Variants in DNAH9 observed in about 807,000 individuals in gnomAD.
DNAH9 encodes dynein axonemal heavy chain 9, also known as DNAH9 variant protein.
In DNAH9, 345 loss-of-function variants were observed where a neutral mutation model predicts 471.6. The observed-to-expected ratio is 0.73, with a 90% CI of 0.67 to 0.80. The LOEUF (loss-of-function observed/expected upper bound fraction) is 0.80, where lower values mean the gene tolerates loss of function less well. Among genes scored for constraint, DNAH9 ranks in the 30% least tolerant of loss-of-function variants. The probability of loss-of-function intolerance (pLI) is 0.00; values close to 1 mark genes in which losing one functional copy is unlikely to be tolerated. For missense variants in DNAH9, 5,407 were observed against 5,609.2 expected (o/e 0.96, Z 1.15); for synonymous variants, 2,093 against 2,123.6 (o/e 0.99, Z 0.40).
chr17:11,742,298 G>C lies in DNAH9; in HGVS notation c.6096G>C (p.Glu2032Asp), dbSNP rs1198329663. The change falls in exon 30 of 69, where the codon GAG (glutamate) becomes GAC (aspartate). Residue 2032 changes from glutamate to aspartate, a missense_variant. Around this residue, in one of 3 missense-constraint regions of DNAH9, gnomAD observed 4,636 missense variants for 4,900.3 expected, o/e 0.95. Transcript: ENST00000262442. ...KFITLYQLCK[E>D]LLSKQDHYDW... ...TCACTCTTTACCAGTTGTGCAAAGAGCTTCTCTCCAAACAGGTAGGATCTC... is the reference window on the plus strand; with the variant it reads ...TCACTCTTTACCAGTTGTGCAAAGACCTTCTCTCCAAACAGGTAGGATCTC... 3 of 1,613,998 alleles carry C rather than the reference G, an allele frequency of 1.9e-6. No individual in the cohort carries two copies. The East Asian group carries it at 6.7e-5, about 36-fold the overall frequency.
In DNAH9 at chr17:11,954,834, A is replaced by G. The variant is rs76103169; in HGVS notation, c.12844-7033A>G. ...AGAAAGAAAGAAAATGATATATGGA[A>G]ATTTGGATCTAAACAAAGAAATAAT... On this transcript the variant is annotated intron_variant, in intron 67 of 68. Transcript: ENST00000262442. 7.2e-3 allele frequency among the ~76,000 whole-genome samples: 1,092 copies of G among 152,002 alleles called. 15 individuals are homozygous for G. The highest frequency in any genetic ancestry group is 0.025 in the African/African-American group (1,050 of 41,484).
intron 52 of DNAH9, 80 bp downstream of exon 52, chr17:11,871,866 C>T (rs1972278231): frequency 6.9e-7 from 1 of 1,446,332 alleles, no homozygotes; most frequent in Non-Finnish European, 9.5e-7. Context: ...AATTCGCATC[C>T]TCTGGTGTCC....
chr17:11,611,821 A>G (rs753092415), intron 4 of DNAH9, 41 bp downstream of exon 4: 67 of 1,607,354 alleles, frequency 4.2e-5, no homozygotes, highest in Middle Eastern at 1.6e-4. Flanking sequence ...GTTTGACTCA[A>G]GTTACCGTCG....
At chr17:11,700,487 C>A (rs1171225509) in intron 23 of DNAH9, among the ~76,000 whole-genome samples, 2 of 152,160 alleles carry the variant, frequency 1.3e-5, no homozygotes, top group Non-Finnish European at 2.9e-5. Context: ...ATTAGCACCA[C>A]CGATAAATAT....
chr17:11,679,993 T>C lies in DNAH9; in HGVS notation c.3576+14T>C. On this transcript the variant is annotated intron_variant, in intron 18 of 68. Coordinates refer to ENST00000262442, the MANE Select transcript of DNAH9 (RefSeq NM_001372.4). Reference sequence around the variant, plus strand: ...AAGCAGCTGGAGGTCAGTGCATTTATGTCTTCCTTATAAAAGAAATAGAGG... The same window carrying C: ...AAGCAGCTGGAGGTCAGTGCATTTACGTCTTCCTTATAAAAGAAATAGAGG... 1.3e-6 allele frequency: 2 copies of C among 1,594,908 alleles called. No homozygotes were observed. The highest frequency in any genetic ancestry group is 1.7e-6 in the Non-Finnish European group (2 of 1,163,858).
Position 11,793,660 on chromosome 17 carries a change from T to G in DNAH9, c.8219T>G (p.Phe2740Cys). Residue 2740 changes from phenylalanine to cysteine, a missense_variant, in exon 42 of 69, where the codon TTT (phenylalanine) becomes TGT (cysteine). By Grantham distance (205) the Phe-to-Cys change is radical. Transcript: ENST00000262442. ...CAGACAGAAGTGCTCAAGAAAACTTTTGATGTGAGTATTGCCCTATGGATT... is the reference window on the plus strand; with the variant it reads ...CAGACAGAAGTGCTCAAGAAAACTTGTGATGTGAGTATTGCCCTATGGATT... ...KIQTEVLKKT[F>C]DDIEDPVEQT... The G allele has an allele frequency of 5.6e-6, 9 of 1,609,292 alleles. No homozygotes were observed. Among genetic ancestry groups the G allele is most frequent in the Non-Finnish European group, 7.6e-6 (9 of 1,177,952 alleles).
Position 11,636,730 on chromosome 17 carries a change from C to T in DNAH9, c.1732C>T (p.Leu578=), listed in dbSNP as rs570676495. The stretch of plus-strand genomic sequence containing the variant: ...CCTCATCCAAATGTTCAACAAAGAT[C>T]TGGATGCAGTGAGGATGATCTACAG... The part of the protein sequence containing the change: ...LVLIQMFNKD[L]DAVRMIYSQH... The change falls in exon 9 of 69, where the codon CTG becomes TTG. Residue 578 remains leucine, a synonymous_variant. Transcript: ENST00000262442. 6.2e-7 allele frequency: 1 copy of T among 1,613,696 alleles called. No individual in the cohort carries two copies. Among genetic ancestry groups the T allele is most frequent in the Non-Finnish European group, 8.5e-7 (1 of 1,179,590 alleles).
At chr17:11,774,430 C>T (rs1313395740) in intron 38 of DNAH9, among the ~76,000 whole-genome samples, 2 of 152,270 alleles carry the variant, frequency 1.3e-5, no homozygotes, top group East Asian at 1.9e-4. Flanking sequence ...TTAATGGACT[C>T]ACAGTTCCAT....
At position 11,797,717 on chromosome 17, in the gene DNAH9, G is replaced by GT. The variant is rs760131761; in HGVS notation, c.8345dup (p.Glu2783GlyfsTer8). The GT allele has an allele frequency of 6.2e-7, 1 of 1,614,226 alleles. No homozygotes were observed. Among genetic ancestry groups the GT allele is most frequent in the African/African-American group, 1.3e-5 (1 of 75,068 alleles). On this transcript the variant is annotated frameshift_variant, in exon 43 of 69. Coordinates refer to ENST00000262442, the MANE Select transcript of DNAH9 (RefSeq NM_001372.4). LOFTEE classifies it high-confidence loss of function. ...TTGGGAACTTTTGACCCAGACTCTG[G>GT]TGGAGGCCTTGGAGAACCACAATGA... is the stretch of plus-strand genomic sequence containing the variant.
At chr17:11,676,275 C>CTTTTTTTTTTTTTT (rs67397847) in intron 17 of DNAH9, among the ~76,000 whole-genome samples, 4 of 73,878 alleles carry the variant, frequency 5.4e-5, no homozygotes, top group Non-Finnish European at 7.8e-5. Context: ...CATTTCTGTT[C>CTTTTTTTTTTTTTT]TTTTTTTTTT....
intron 31 of DNAH9, among the ~76,000 whole-genome samples, chr17:11,747,107 A>T (rs954089362): frequency 3.9e-5 from 6 of 152,190 alleles, no homozygotes; most frequent in African/African-American, 1.4e-4. Flanking sequence ...GAAAGTTCTT[A>T]TGTGTTTTAT....
At chr17:11,797,977 C>T (rs1471440337) in intron 43 of DNAH9, among the ~76,000 whole-genome samples, 184 bp downstream of exon 43, 1 of 152,158 alleles carries the variant, frequency 6.6e-6, no homozygotes. Flanking sequence ...GGGGGCAGCA[C>T]AGTGCGGAGC....
At chr17:11,966,483 A>G (rs1455828873) in intron 68 of DNAH9, among the ~76,000 whole-genome samples, 2 of 152,248 alleles carry the variant, frequency 1.3e-5, no homozygotes, top group East Asian at 3.8e-4. Flanking sequence ...GGAGTCCTTC[A>G]GGCAAAAGGA....
intron 4 of DNAH9, chr17:11,612,137 T>A: frequency 1.9e-6 from 1 of 537,054 alleles, no homozygotes; most frequent in Admixed American, 3.2e-5. Context: ...GAGCTGTCCC[T>A]TTGTGTCTTT....
intron 32 of DNAH9, 144 bp from the exon 33 acceptor site, chr17:11,752,687 AAT>A (rs1392931625): frequency 6.5e-6 from 3 of 458,950 alleles, no homozygotes; most frequent in African/African-American, 6.1e-5. Context: ...AGTAAAATAA[AAT>A]AAAAATAAAA....
chr17:11,658,807 T>TC (rs1319112131), intron 14 of DNAH9, among the ~76,000 whole-genome samples: 1 of 152,196 alleles, frequency 6.6e-6, no homozygotes, highest in Non-Finnish European at 1.5e-5. Flanking sequence ...TCTTTTTTTT[T>TC]CAAATGTTAA....
chr17:11,884,019 G>T (rs530836912), intron 56 of DNAH9, among the ~76,000 whole-genome samples: 6 of 152,252 alleles, frequency 3.9e-5, no homozygotes, highest in African/African-American at 9.6e-5. Context: ...TTAAGCCTTT[G>T]TGGGGCCTGG....
intron 50 of DNAH9, among the ~76,000 whole-genome samples, chr17:11,855,551 C>T (rs1271080713): frequency 6.6e-6 from 1 of 152,002 alleles, no homozygotes; most frequent in Non-Finnish European, 1.5e-5. Flanking sequence ...TTTTACAAGA[C>T]AATGTAGGTA....
At chr17:11,698,161 T>TAA (rs1488030784) in intron 22 of DNAH9, among the ~76,000 whole-genome samples, 2 of 80,486 alleles carry the variant, frequency 2.5e-5, no homozygotes, top group African/African-American at 1.4e-4. Context: ...ATTATTAATA[T>TAA]ATTATTATAT....
Sources: allele counts gnomAD v4.1 joint callset (sites outside exome capture counted in the v4.1 genomes callset), GRCh38; gene constraint gnomAD v4.1.1; regional missense constraint gnomAD v4.1.1; transcripts MANE v1.5; gene names NCBI Gene and HGNC (gene_info 2026-07-23, HGNC 2026-07-21).